Variants in COL22A1 observed in about 807,000 individuals in gnomAD.
COL22A1 encodes collagen type XXII alpha 1 chain.
In COL22A1, 221 loss-of-function variants were observed where a neutral mutation model predicts 248.9. The ratio of observed to expected loss-of-function variants is 0.89; its 90% CI spans 0.80 to 0.99. The LOEUF (loss-of-function observed/expected upper bound fraction) is 0.99. COL22A1 is among the 50% of genes least tolerant of loss of function. The pLI is 0.00. For missense variants in COL22A1, 2,240 were observed against 2,179.0 expected (o/e 1.03, Z -0.56); for synonymous variants, 891 against 793.4 (o/e 1.12, Z -2.07).
intron 35 of COL22A1, among the ~76,000 whole-genome samples, chr8:138,691,791 GGT>G (rs140211148): frequency 0.012 from 1,403 of 118,572 alleles, 15 homozygotes; most frequent in African/African-American, 0.024. Context: ...TGTTTGTGGA[GGT>G]GTGTGTGTGT....
At chr8:138,680,708 C>A (rs60597602) in intron 39 of COL22A1, among the ~76,000 whole-genome samples, 28,160 of 152,186 alleles carry the variant, frequency 0.19, 2,593 homozygotes, top group South Asian at 0.21. Flanking sequence ...CTGCTTCTTA[C>A]CTTCTTCCTC....
At chr8:138,702,908 T>A (rs1249769584) in intron 31 of COL22A1, among the ~76,000 whole-genome samples, 1 of 152,160 alleles carries the variant, frequency 6.6e-6, no homozygotes, top group East Asian at 1.9e-4. Context: ...CTCTTACTGA[T>A]ACTCAATACC....
At chr8:138,834,642 G>A (rs1474318198) in intron 4 of COL22A1, among the ~76,000 whole-genome samples, 1 of 152,058 alleles carries the variant, frequency 6.6e-6, no homozygotes, top group East Asian at 1.9e-4. Flanking sequence ...TATTTCATCT[G>A]TAAAAAGGGG....
chr8:138,866,968 A>C (rs1479491317), intron 3 of COL22A1, among the ~76,000 whole-genome samples: 2 of 152,172 alleles, frequency 1.3e-5, no homozygotes, highest in Non-Finnish European at 2.9e-5. Context: ...GGCCCCCACA[A>C]AATGTCCTAT....
At chr8:138,841,332 G>A (rs1258952435) in intron 4 of COL22A1, among the ~76,000 whole-genome samples, 1 of 152,140 alleles carries the variant, frequency 6.6e-6, no homozygotes, top group Non-Finnish European at 1.5e-5. Context: ...GGTAGACAGG[G>A]ACGCAAATCA....
At chr8:138,724,715 T>C (rs1010793264) in intron 24 of COL22A1, 47 bp from the exon 25 acceptor site, 1 of 1,578,570 alleles carries the variant, frequency 6.3e-7, no homozygotes, top group Non-Finnish European at 8.7e-7. Flanking sequence ...TGTTCAGAGA[T>C]CAGATCATTG....
Position 138,769,398 on chromosome 8 carries a change from C to G in COL22A1, c.1803+6568G>C, listed in dbSNP as rs139912973. Among the ~76,000 whole-genome samples, 164 of 152,356 alleles carry G rather than the reference C, an allele frequency of 1.1e-3. No individual in the cohort carries two copies. The South Asian group carries it at 0.018, about 17-fold the overall frequency. On this transcript the variant is annotated intron_variant, in intron 16 of 64. Coordinates refer to ENST00000303045, the MANE Select transcript of COL22A1 (RefSeq NM_152888.3). ...TACTGTGCTCACCCAACAAAGGAAT[C>G]CATGCCCTCACCCTGTGGTCTCCTT...
Position 138,642,537 on chromosome 8 carries a change from T to G in COL22A1, c.3501+4092A>C, listed in dbSNP as rs148212068. On this transcript the variant is annotated intron_variant, in intron 47 of 64. Coordinates refer to ENST00000303045, the MANE Select transcript of COL22A1 (RefSeq NM_152888.3). ...ATGCAGCACTAATTGTTGTTCTTTT[T>G]TTCTGGATGGAAGCTTTCTGTTCTC... Among the ~76,000 whole-genome samples, 510 of 152,310 alleles carry G rather than the reference T, an allele frequency of 3.3e-3. 2 individuals are homozygous for G. Among genetic ancestry groups the G allele is most frequent in the African/African-American group, 0.011 (476 of 41,570 alleles).
intron 7 of COL22A1, among the ~76,000 whole-genome samples, chr8:138,817,365 C>T (rs777165426): frequency 1.3e-5 from 2 of 152,156 alleles, no homozygotes; most frequent in Non-Finnish European, 2.9e-5. Flanking sequence ...ATTGATACTG[C>T]AACTGCCACC....
intron 50 of COL22A1, among the ~76,000 whole-genome samples, chr8:138,628,822 G>A (rs1472642145): frequency 6.7e-6 from 1 of 148,392 alleles, no homozygotes; most frequent in African/African-American, 2.5e-5. Context: ...CTGGAGTGCG[G>A]TGGCGCAATC....
At chr8:138,841,250 C>CT (rs1205142002) in intron 4 of COL22A1, among the ~76,000 whole-genome samples, 1 of 152,222 alleles carries the variant, frequency 6.6e-6, no homozygotes, top group Non-Finnish European at 1.5e-5. Flanking sequence ...GTCCTCTACT[C>CT]TTAAGACACA....
chr8:138,861,917 A>C (rs1822490484), intron 3 of COL22A1, among the ~76,000 whole-genome samples: 1 of 150,426 alleles, frequency 6.6e-6, no homozygotes, highest in South Asian at 2.1e-4. Flanking sequence ...GGCGGGGCGC[A>C]GTGGTTCACG....
At chr8:138,897,852 C>A (rs1474414685) in intron 1 of COL22A1, among the ~76,000 whole-genome samples, 1 of 151,166 alleles carries the variant, frequency 6.6e-6, no homozygotes, top group Non-Finnish European at 1.5e-5. Flanking sequence ...GCTGCTGCAA[C>A]AAATTGCCAT....
chr8:138,889,337 G>T (rs1389448737), intron 1 of COL22A1, among the ~76,000 whole-genome samples: 1 of 152,190 alleles, frequency 6.6e-6, no homozygotes, highest in Non-Finnish European at 1.5e-5. Flanking sequence ...TGATAGACTG[G>T]ATTAAGAAAA....
rs1023582431 is a variant in COL22A1 at position 138,606,535 on chromosome 8, A to G, written c.4033-83T>C. The G allele has an allele frequency of 2.1e-5, 28 of 1,343,098 alleles. No individual in the cohort carries two copies. In the African/African-American group the frequency reaches 2.7e-4, roughly 13 times the overall value. 83.2% of individuals were successfully genotyped at this position (1,343,098 alleles called of 1,614,324 possible). The stretch of plus-strand genomic sequence containing the variant: ...TTGGAAACCTTGTGACCACTCTGAA[A>G]TCAAAAGGCCTGAGACATCCACACA... On this transcript the variant is annotated intron_variant, in intron 57 of 64. Transcript: ENST00000303045.
intron 1 of COL22A1, among the ~76,000 whole-genome samples, chr8:138,894,686 T>C (rs1223439076): frequency 6.6e-6 from 1 of 152,136 alleles, no homozygotes; most frequent in African/African-American, 2.4e-5. Flanking sequence ...TATCAGTGTT[T>C]AGGCAAGAGT....
chr8:138,805,745 GGTGTGTGTGTGTGTAATGGT>G (rs1817533647), intron 10 of COL22A1, among the ~76,000 whole-genome samples: 1 of 142,298 alleles, frequency 7.0e-6, no homozygotes, highest in African/African-American at 2.7e-5. Flanking sequence ...TATATGTGAT[GGTGTGTGTGTGTGTAATGGT>G]ATGTGATAGT....
intron 3 of COL22A1, among the ~76,000 whole-genome samples, chr8:138,876,110 G>GC (rs938561470): frequency 1.3e-5 from 2 of 151,824 alleles, no homozygotes; most frequent in Non-Finnish European, 2.9e-5. Context: ...AGCACACAAG[G>GC]CCCCCCTTTA....
At chr8:138,787,987 C>A (rs1422154895) in intron 12 of COL22A1, among the ~76,000 whole-genome samples, 1 of 152,168 alleles carries the variant, frequency 6.6e-6, no homozygotes, top group Non-Finnish European at 1.5e-5. Context: ...ATATCAGGCC[C>A]TATTTCTAAA....
Sources: allele counts gnomAD v4.1 joint callset (sites outside exome capture counted in the v4.1 genomes callset), GRCh38; gene constraint gnomAD v4.1.1; transcripts MANE v1.5; gene names NCBI Gene and HGNC (gene_info 2026-07-23, HGNC 2026-07-21).